GHRHR: variants seen among roughly 807,000 people sequenced by gnomAD.
GHRHR encodes the protein growth hormone releasing hormone receptor.
GHRHR carries 40 observed loss-of-function variants against 58.3 expected under a neutral mutation model. The ratio of observed to expected loss-of-function variants is 0.69; its 90% confidence interval spans 0.53 to 0.89. The LOEUF (loss-of-function observed/expected upper bound fraction) is 0.89, where lower values mean the gene tolerates loss of function less well. GHRHR is among the 40% of genes least tolerant of loss of function. GHRHR has a pLI of 0.00. For missense variants in GHRHR, 551 were observed against 541.3 expected, an observed-to-expected ratio of 1.02 and a Z score of -0.18; for synonymous variants, 249 against 216.6, an observed-to-expected ratio of 1.15 and a Z score of -1.31.
intron 9 of GHRHR, among the ~76,000 whole-genome samples, chr7:30,975,318 A>G (rs930462719): frequency 6.6e-6 from 1 of 152,148 alleles, no homozygotes; most frequent in African/African-American, 2.4e-5. Flanking sequence ...CCACAGTGAG[A>G]GACTAGGGGT....
In GHRHR at chr7:30,979,115, G is replaced by A. The variant is rs1392578654; in HGVS notation, c.1147-4G>A. On this transcript the variant is annotated splice_polypyrimidine_tract_variant and splice_region_variant and intron_variant, in intron 12 of 12. Transcript: ENST00000326139. Reference sequence around the variant, plus strand: ...TCCTAACGTCCTCTTCCTTGTCCCTGGAGGTGAGGACTGAGATCTCACGGA... The same window carrying A: ...TCCTAACGTCCTCTTCCTTGTCCCTAGAGGTGAGGACTGAGATCTCACGGA... 5 of 1,613,460 alleles carry A rather than the reference G, an allele frequency of 3.1e-6. No individual in the cohort carries two copies. Among genetic ancestry groups the A allele is most frequent in the Non-Finnish European group, 4.2e-6 (5 of 1,179,566 alleles).
chr7:30,976,601 T>A, intron 11 of GHRHR, 43 bp downstream of exon 11: 1 of 1,589,994 alleles, frequency 6.3e-7, no homozygotes, highest in Non-Finnish European at 8.6e-7. Context: ...TTGAGGGTGC[T>A]GGAGGGAGGT....
At chr7:30,974,380 A>G (rs1011923568) in intron 7 of GHRHR, 49 bp from the exon 8 acceptor site, 11 of 1,369,230 alleles carry the variant, frequency 8.0e-6, no homozygotes, top group Non-Finnish European at 1.1e-5. Flanking sequence ...CAGATCTCAG[A>G]GTCAAGGATG....
intron 5 of GHRHR, 147 bp downstream of exon 5, chr7:30,971,363 C>T (rs1268698935): frequency 1.4e-6 from 1 of 693,770 alleles, no homozygotes; most frequent in African/African-American, 1.8e-5. Flanking sequence ...TTTTCCCCAC[C>T]ATGTAGACCC....
chr7:30,971,961 A>G lies in GHRHR; in HGVS notation c.465-2A>G. ...GTTCCTCATTTCTCCCATTACCCCC[A>G]GGAGGCTCCACTGCCCCCGGAACTA... On this transcript the variant is annotated splice_acceptor_variant, in intron 5 of 12. Transcript: ENST00000326139. LOFTEE classifies it high-confidence loss of function. 6.2e-7 allele frequency: 1 copy of G among 1,613,770 alleles called. No homozygotes were observed. The highest frequency in any genetic ancestry group is 8.5e-7 in the Non-Finnish European group (1 of 1,179,846).
At chr7:30,978,540 C>T (rs1373725967) in intron 12 of GHRHR, among the ~76,000 whole-genome samples, 1 of 152,196 alleles carries the variant, frequency 6.6e-6, no homozygotes, top group Non-Finnish European at 1.5e-5. Flanking sequence ...GGCTCTACTG[C>T]ATGAGGCACA....
intron 12 of GHRHR, among the ~76,000 whole-genome samples, chr7:30,978,109 G>C (rs1401245259): frequency 6.6e-6 from 1 of 152,228 alleles, no homozygotes; most frequent in Non-Finnish European, 1.5e-5. Flanking sequence ...CATTCTGTGA[G>C]AGTTGGCTGC....
intron 1 of GHRHR, among the ~76,000 whole-genome samples, chr7:30,966,318 C>A (rs981875024): frequency 6.9e-6 from 1 of 145,454 alleles, no homozygotes; most frequent in South Asian, 2.3e-4. Context: ...GCTGTGCCTG[C>A]ATTTCTCCCA....
At chr7:30,973,089 G>T (rs540698184) in intron 6 of GHRHR, among the ~76,000 whole-genome samples, 3 of 152,144 alleles carry the variant, frequency 2.0e-5, no homozygotes, top group Admixed American at 1.3e-4. Flanking sequence ...TCTGTTACAC[G>T]TGTTATATAC....
At chr7:30,977,189 G>C (rs775446790) in intron 11 of GHRHR, 92 bp from the exon 12 acceptor site, 31 of 1,179,828 alleles carry the variant, frequency 2.6e-5, no homozygotes, top group Non-Finnish European at 3.7e-5. Flanking sequence ...CATAGCCTGG[G>C]GATGAGTAGG....
At chr7:30,977,252 G>T (rs376877291) in intron 11 of GHRHR, 29 bp from the exon 12 acceptor site, 158 of 1,610,728 alleles carry the variant, frequency 9.8e-5, no homozygotes, top group Non-Finnish European at 1.2e-4. Flanking sequence ...AAAGGGTTCT[G>T]ATGGGGTCTT....
In GHRHR at chr7:30,975,917, G is replaced by A. The variant is rs80205938; in HGVS notation, c.974+49G>A. The A allele has an allele frequency of 2.0e-3, 2,069 of 1,014,120 alleles. 24 individuals are homozygous for A. The African/African-American group carries it at 0.027, about 13-fold the overall frequency. The allele number at this position is 1,014,120 out of a possible 1,614,324, so 62.8% of individuals were successfully genotyped here. A position where few individuals can be genotyped will look rare whatever the true frequency, so the allele number is the denominator to read the frequency against. Reference sequence around the variant, plus strand: ...ATACTGGGAAAGGGTAACTGGAGGGGGATTCAATGTGTCTGTCTCATCCAA... The same window carrying A: ...ATACTGGGAAAGGGTAACTGGAGGGAGATTCAATGTGTCTGTCTCATCCAA... On this transcript the variant is annotated intron_variant, in intron 10 of 12. Transcript: ENST00000326139.
intron 6 of GHRHR, 33 bp downstream of exon 6, chr7:30,972,128 G>A (rs183147834): frequency 1.2e-6 from 2 of 1,610,942 alleles, no homozygotes; most frequent in South Asian, 2.2e-5. Flanking sequence ...CTGGGCAGGT[G>A]GGGGAGAGAG....
At chr7:30,970,818 C>T (rs2128597607) in intron 4 of GHRHR, among the ~76,000 whole-genome samples, 1 of 152,356 alleles carries the variant, frequency 6.6e-6, no homozygotes, top group East Asian at 1.9e-4. Flanking sequence ...GGGCTTTTGT[C>T]ATTCCCCAGG....
chr7:30,971,108 G>C lies in GHRHR; in HGVS notation c.367-11G>C, dbSNP rs1332106274. ...GAAGCTGAGACTTTCTTCTGTCTCT[G>C]CCCTTCCCAGGAATCTTACTTCTCC... is the stretch of plus-strand genomic sequence containing the variant. On this transcript the variant is annotated splice_polypyrimidine_tract_variant and intron_variant, in intron 4 of 12. Coordinates refer to ENST00000326139, the MANE Select transcript of GHRHR (RefSeq NM_000823.4). 1 of 1,220,882 alleles carries C rather than the reference G, an allele frequency of 8.2e-7. No homozygotes were observed. The highest frequency in any genetic ancestry group is 1.3e-5 in the South Asian group (1 of 77,478). 75.6% of individuals were successfully genotyped at this position (1,220,882 alleles called of 1,614,324 possible).
At chr7:30,967,537 A>G (rs1792381877) in intron 1 of GHRHR, among the ~76,000 whole-genome samples, 1 of 152,080 alleles carries the variant, frequency 6.6e-6, no homozygotes, top group South Asian at 2.1e-4. Context: ...GAAGCCACAC[A>G]TCCATCCTTA....
In GHRHR at chr7:30,964,250, G is replaced by A; in HGVS notation, c.57+125G>A. On this transcript the variant is annotated intron_variant, in intron 1 of 12. Transcript: ENST00000326139. ...CCTGCTCTAGAGTCCCTCCCTACGA[G>A]CAGGTGGCAGGCTGTGGCTTGGAGA... 3.5e-6 allele frequency: 3 copies of A among 866,978 alleles called. No homozygotes were observed. The South Asian group carries it at 4.2e-5, about 12-fold the overall frequency. The allele number at this position is 866,978 out of a possible 1,614,324, so 53.7% of individuals were successfully genotyped here. A position where few individuals can be genotyped will look rare whatever the true frequency, so the allele number is the denominator to read the frequency against.
chr7:30,966,223 C>T (rs1792347354), intron 1 of GHRHR, among the ~76,000 whole-genome samples: 1 of 152,226 alleles, frequency 6.6e-6, no homozygotes, highest in Non-Finnish European at 1.5e-5. Context: ...TCCACGTGGT[C>T]ACCCACCATC....
At position 30,971,182 on chromosome 7, in the gene GHRHR, C is replaced by T; in HGVS notation, c.430C>T (p.Leu144Phe). ...TVGHSISIVALFVAITILVAL... is the reference protein window; with the variant it reads ...TVGHSISIVAFFVAITILVAL... ...GGGCCATAGCATCTCTATTGTAGCC[C>T]TCTTCGTGGCCATCACCATCCTGGT... The change falls in exon 5 of 13, where the codon CTC becomes TTC. Residue 144 changes from leucine to phenylalanine, a missense_variant. Physicochemically the swap from Leu to Phe is conservative, Grantham distance 22. Coordinates refer to ENST00000326139, the MANE Select transcript of GHRHR (RefSeq NM_000823.4). The T allele has an allele frequency of 6.6e-7, 1 of 1,522,866 alleles. No individual in the cohort carries two copies. The highest frequency in any genetic ancestry group is 8.9e-7 in the Non-Finnish European group (1 of 1,117,498). 94.3% of individuals were successfully genotyped at this position (1,522,866 alleles called of 1,614,324 possible). A position where few individuals can be genotyped will look rare whatever the true frequency, so the allele number is the denominator to read the frequency against.
Sources: gnomAD v4.1 joint callset for allele counts (sites outside exome capture counted in the v4.1 genomes callset) on GRCh38, gnomAD v4.1.1 for gene constraint, MANE v1.5 for transcripts, NCBI Gene and HGNC (gene_info 2026-07-23, HGNC 2026-07-21) for gene names.